The following FGD3 variants were observed in gnomAD, a reference collection of about 807,000 sequenced individuals.
FGD3 encodes FYVE, RhoGEF and PH domain containing 3, also known as FYVE, RhoGEF and PH domain-containing protein 3.
A neutral mutation model predicts 71.8 loss-of-function variants in FGD3; 45 were observed. The observed-to-expected ratio is 0.63, with a 90% CI of 0.49 to 0.80. FGD3 has a LOEUF of 0.80. Among genes scored for constraint, FGD3 ranks in the 30% least tolerant of loss-of-function variants. The probability of loss-of-function intolerance (pLI) is 0.00; values close to 1 mark genes in which losing one functional copy is unlikely to be tolerated. For missense variants in FGD3, 844 were observed against 951.5 expected, an observed-to-expected ratio of 0.89 and a Z score of 1.49; for synonymous variants, 378 against 392.8, an observed-to-expected ratio of 0.96 and a Z score of 0.44.
intron 3 of FGD3, among the ~76,000 whole-genome samples, chr9:92,987,617 C>T (rs775882496): frequency 1.3e-5 from 2 of 152,076 alleles, no homozygotes; most frequent in Non-Finnish European, 2.9e-5. Flanking sequence ...TCATGTGCTC[C>T]GTTTATCCTT....
intron 8 of FGD3, 84 bp downstream of exon 8, chr9:93,011,356 C>G: frequency 6.5e-7 from 1 of 1,536,374 alleles, no homozygotes; most frequent in Non-Finnish European, 9.0e-7. Flanking sequence ...GCCCCTTTGC[C>G]GCTATCCTTT....
At chr9:93,010,438 C>G (rs1861272737) in intron 7 of FGD3, 54 bp downstream of exon 7, 2 of 1,531,896 alleles carry the variant, frequency 1.3e-6, no homozygotes, top group Non-Finnish European at 1.8e-6. Context: ...GCCAAGAACT[C>G]TGGGGGTGGG....
In FGD3 at chr9:92,991,637, G is replaced by A. The variant is rs150866062; in HGVS notation, c.454-11288G>A. Among the ~76,000 whole-genome samples the A allele has an allele frequency of 3.8e-3, 585 of 152,264 alleles. 1 individual carries two copies. The highest frequency in any genetic ancestry group is 0.031 in the Middle Eastern group (9 of 294). On this transcript the variant is annotated intron_variant, in intron 3 of 17. Transcript: ENST00000375482. ...AGAATGTGTATTCTGCAGCCGTTGGGTGAAATGTTCTGTAAATGTCTGTTA... is the reference window on the plus strand; with the variant it reads ...AGAATGTGTATTCTGCAGCCGTTGGATGAAATGTTCTGTAAATGTCTGTTA...
chr9:92,948,632 A>C (rs762849362), intron 1 of FGD3, among the ~76,000 whole-genome samples: 3 of 152,256 alleles, frequency 2.0e-5, no homozygotes, highest in South Asian at 2.1e-4. Flanking sequence ...ATGTGTGTGC[A>C]CAGGATTTAA....
chr9:93,010,114 T>C (rs1861250879), intron 6 of FGD3, 132 bp from the exon 7 acceptor site: 1 of 1,061,472 alleles, frequency 9.4e-7, no homozygotes, highest in Non-Finnish European at 1.3e-6. Context: ...GTGTCAGCCA[T>C]GTCTTGAAGG....
rs539149194 is a variant in FGD3 at position 92,977,372 on chromosome 9, G to A, written c.453+663G>A. The stretch of plus-strand genomic sequence containing the variant: ...GATGGAGAGGCAGCAGATGGCCTCA[G>A]CCTCAGAGAAACTGTGGGTATGGGG... On this transcript the variant is annotated intron_variant, in intron 3 of 17. Transcript: ENST00000375482. 1.2e-3 allele frequency among the ~76,000 whole-genome samples: 178 copies of A among 152,270 alleles called. 2 individuals are homozygous for A. In the South Asian group the frequency reaches 0.012, roughly 10 times the overall value.
At chr9:92,989,567 T>C in intron 3 of FGD3, among the ~76,000 whole-genome samples, 1 of 152,246 alleles carries the variant, frequency 6.6e-6, no homozygotes, top group East Asian at 1.9e-4. Context: ...GTCTGTGGCC[T>C]GTGCCTTTCT....
intron 3 of FGD3, among the ~76,000 whole-genome samples, chr9:92,998,373 A>T (rs1324377213): frequency 6.6e-6 from 1 of 152,158 alleles, no homozygotes; most frequent in Non-Finnish European, 1.5e-5. Flanking sequence ...TATTCGTCTA[A>T]CCTTTTTTCA....
intron 1 of FGD3, among the ~76,000 whole-genome samples, chr9:92,962,591 C>T (rs908231320): frequency 1.3e-5 from 2 of 152,214 alleles, no homozygotes; most frequent in Non-Finnish European, 2.9e-5. Flanking sequence ...ACAAAAACTC[C>T]ACCACATGCA....
chr9:92,993,805 T>A (rs1860517783), intron 3 of FGD3, among the ~76,000 whole-genome samples: 3 of 152,260 alleles, frequency 2.0e-5, no homozygotes, highest in Non-Finnish European at 4.4e-5. Flanking sequence ...TCATCATTTT[T>A]TATGGCTGCA....
intron 5 of FGD3, among the ~76,000 whole-genome samples, chr9:93,005,073 T>G (rs1861001237): frequency 6.6e-6 from 1 of 152,092 alleles, no homozygotes; most frequent in African/African-American, 2.4e-5. Flanking sequence ...TGACCTCCTC[T>G]GCAACTTTTA....
chr9:92,973,106 A>ATT (rs59046376), intron 1 of FGD3, among the ~76,000 whole-genome samples: 1,523 of 87,142 alleles, frequency 0.017, 126 homozygotes, highest in African/African-American at 0.048. Flanking sequence ...ATGCCTGGTA[A>ATT]TTTTTTTTTT....
intron 3 of FGD3, among the ~76,000 whole-genome samples, chr9:92,994,578 CT>C (rs1860554361): frequency 6.6e-6 from 1 of 152,124 alleles, no homozygotes. Context: ...TATTGCCTAG[CT>C]TTTCTTCCAG....
At chr9:92,979,769 T>G (rs1056277483) in intron 3 of FGD3, among the ~76,000 whole-genome samples, 3 of 152,206 alleles carry the variant, frequency 2.0e-5, no homozygotes, top group Non-Finnish European at 2.9e-5. Flanking sequence ...TTATTACTAA[T>G]TCAATCTGCA....
At chr9:93,020,208 T>A in intron 12 of FGD3, 109 bp from the exon 13 acceptor site, 1 of 1,006,320 alleles carries the variant, frequency 9.9e-7, no homozygotes, top group Non-Finnish European at 1.4e-6. Flanking sequence ...TGGGCATTGT[T>A]CTGGGAACGC....
In FGD3 at chr9:93,026,734, C is replaced by T. The variant is rs550950245; in HGVS notation, c.1558-3140C>T. Reference sequence around the variant, plus strand: ...CAAGCTCTTGCTGTGCACCCAGCCCCGCAGGTACCTGTCCTCCCACATGGT... The same window carrying T: ...CAAGCTCTTGCTGTGCACCCAGCCCTGCAGGTACCTGTCCTCCCACATGGT... On this transcript the variant is annotated intron_variant, in intron 14 of 17. Coordinates refer to ENST00000375482, the MANE Select transcript of FGD3 (RefSeq NM_001083536.2). Among the ~76,000 whole-genome samples the T allele has an allele frequency of 2.6e-5, 4 of 152,232 alleles. No homozygotes were observed. In the East Asian group the frequency reaches 5.8e-4, roughly 22 times the overall value.
chr9:93,028,115 G>A (rs1192577745), intron 14 of FGD3, among the ~76,000 whole-genome samples: 1 of 151,572 alleles, frequency 6.6e-6, no homozygotes, highest in African/African-American at 2.4e-5. Context: ...ATACAAGTGG[G>A]GATAACCGCA....
chr9:93,023,795 C>CCTTTTTTTTTTTTTTTTTTTT (rs1862017356), intron 14 of FGD3, among the ~76,000 whole-genome samples: 2 of 107,672 alleles, frequency 1.9e-5, no homozygotes, highest in African/African-American at 7.8e-5. Context: ...CCATCAGCAA[C>CCTTTTTTTTTTTTTTTTTTTT]TTTTTTTTTT....
At chr9:92,984,359 C>T (rs186185122) in intron 3 of FGD3, among the ~76,000 whole-genome samples, 25 of 152,310 alleles carry the variant, frequency 1.6e-4, no homozygotes, top group African/African-American at 5.5e-4. Flanking sequence ...ACCAACAATA[C>T]CTTTACCTTT....
Sources: allele counts gnomAD v4.1 joint callset (sites outside exome capture counted in the v4.1 genomes callset), GRCh38; gene constraint gnomAD v4.1.1; transcripts MANE v1.5; gene names NCBI Gene and HGNC (gene_info 2026-07-23, HGNC 2026-07-21).